The following ZNF189 variants were observed in gnomAD, a reference collection of about 807,000 sequenced individuals.
ZNF189 encodes the protein zinc finger protein 189.
ZNF189 carries 33 observed loss-of-function variants against 53.5 expected under a neutral mutation model. The observed-to-expected ratio is 0.62, with a 90% CI of 0.47 to 0.82. The LOEUF is 0.82. ZNF189 is among the 40% of genes least tolerant of loss of function. The pLI, the probability that ZNF189 is intolerant of heterozygous loss-of-function variation, is 0.00. For synonymous variants in ZNF189, 247 were observed against 238.8 expected, an observed-to-expected ratio of 1.03 and a Z score of -0.32; for missense variants, 711 against 753.9, an observed-to-expected ratio of 0.94 and a Z score of 0.67.
At chr9:101,402,602 G>A (rs1830576186) in intron 2 of ZNF189, among the ~76,000 whole-genome samples, 1 of 152,108 alleles carries the variant, frequency 6.6e-6, no homozygotes, top group South Asian at 2.1e-4. Context: ...CCAGAGCTAA[G>A]CACTCCTTTC....
Position 101,408,068 on chromosome 9 carries a change from A to G in ZNF189, c.300A>G (p.Thr100=), listed in dbSNP as rs1047968. The part of the protein sequence containing the change: ...EIDQDPMGRE[T]FELVGRLDKQ... ...ACCAGGATCCTATGGGTAGAGAAAC[A>G]TTTGAACTTGTTGGTAGGTTAGATA... Residue 100 remains threonine, a synonymous_variant, in exon 3 of 3, where the codon ACA becomes ACG. Transcript: ENST00000339664. 165,174 of 1,613,874 alleles carry G rather than the reference A, an allele frequency of 0.1. 9,323 individuals are homozygous for G. The highest frequency in any genetic ancestry group is 0.15 in the Middle Eastern group (933 of 6,060).
chr9:101,401,198 C>T (rs1830518274), intron 2 of ZNF189, among the ~76,000 whole-genome samples: 1 of 152,154 alleles, frequency 6.6e-6, no homozygotes, highest in Non-Finnish European at 1.5e-5. Flanking sequence ...CCTTTTTCTT[C>T]CACTCTCCAC....
Position 101,408,680 on chromosome 9 carries a change from T to A in ZNF189, c.912T>A (p.Val304=), listed in dbSNP as rs756293271. 4 of 1,614,206 alleles carry A rather than the reference T, an allele frequency of 2.5e-6. No homozygotes were observed. Among genetic ancestry groups the A allele is most frequent in the South Asian group, 2.2e-5 (2 of 91,082 alleles). Residue 304 remains valine, a synonymous_variant, in exon 3 of 3, where the codon GTT becomes GTA. Coordinates refer to ENST00000339664, the MANE Select transcript of ZNF189 (RefSeq NM_003452.4). ...GCTTTAGTCGAAATTCATTGCTTGT[T>A]GAGCATCAAAGAATTCACACTGGGG... The part of the protein sequence containing the change: ...KKSFSRNSLL[V]EHQRIHTGER...
chr9:101,408,924 A>C lies in ZNF189; in HGVS notation c.1156A>C (p.Asn386His). The C allele has an allele frequency of 6.2e-7, 1 of 1,614,038 alleles. No individual in the cohort carries two copies. The highest frequency in any genetic ancestry group is 8.5e-7 in the Non-Finnish European group (1 of 1,180,010). ...ECGKSFSQLC[N>H]LTRHQRIHTG... is the part of the protein sequence containing the mutation. The stretch of plus-strand genomic sequence containing the variant: ...TGGGAAAAGTTTCAGTCAGCTTTGC[A>C]ACCTTACTCGTCATCAGAGAATTCA... The change falls in exon 3 of 3, where the codon AAC (asparagine) becomes CAC (histidine). Residue 386 changes from asparagine to histidine, a missense_variant. Transcript: ENST00000339664.
intron 2 of ZNF189, among the ~76,000 whole-genome samples, chr9:101,404,224 A>T (rs557453057): frequency 1.3e-4 from 20 of 152,282 alleles, no homozygotes; most frequent in African/African-American, 4.1e-4. Flanking sequence ...TTTTATGTGA[A>T]TGTCATTGTT....
chr9:101,404,889 G>A (rs1446636741), intron 2 of ZNF189, among the ~76,000 whole-genome samples: 3 of 152,184 alleles, frequency 2.0e-5, no homozygotes, highest in African/African-American at 4.8e-5. Flanking sequence ...AATTATGGTC[G>A]AGGGCTGGTA....
intron 2 of ZNF189, among the ~76,000 whole-genome samples, chr9:101,402,368 C>T (rs1244685422): frequency 6.6e-6 from 1 of 152,150 alleles, no homozygotes; most frequent in African/African-American, 2.4e-5. Flanking sequence ...AATAATAGCA[C>T]CTACCTCATA....
chr9:101,408,365 T>C lies in ZNF189; in HGVS notation c.597T>C (p.Thr199=). 6.2e-7 allele frequency: 1 copy of C among 1,614,132 alleles called. No individual in the cohort carries two copies. Among genetic ancestry groups the C allele is most frequent in the South Asian group, 1.1e-5 (1 of 91,088 alleles). ...SFVIEHQRIH[T]GERPYECNYC... The stretch of plus-strand genomic sequence containing the variant: ...TTATTGAACATCAGAGAATTCACAC[T>C]GGGGAAAGGCCCTATGAGTGTAATT... Residue 199 remains threonine (T), a synonymous_variant, in exon 3 of 3, where the codon ACT becomes ACC. Transcript: ENST00000339664.
rs113040203 is a variant in ZNF189 at position 101,399,801 on chromosome 9, A to G, written c.34-83A>G. ...GTTCCTCCTAGCCTACTTGGCCACA[A>G]TAAGTGATTGCCTCTGTCACTTTTA... On this transcript the variant is annotated intron_variant, in intron 1 of 2. Coordinates refer to ENST00000339664, the MANE Select transcript of ZNF189 (RefSeq NM_003452.4). The G allele has an allele frequency of 1.6e-3, 2,541 of 1,598,408 alleles. 17 individuals carry two copies. In the African/African-American group the frequency reaches 0.017, roughly 11 times the overall value.
At chr9:101,404,691 C>T (rs1415491764) in intron 2 of ZNF189, among the ~76,000 whole-genome samples, 1 of 152,064 alleles carries the variant, frequency 6.6e-6, no homozygotes, top group African/African-American at 2.4e-5. Context: ...ATATTCATAT[C>T]ATCTTCAAGT....
rs146757173 is a variant in ZNF189 at position 101,399,693 on chromosome 9, C to A, written c.34-191C>A. ...CATAATAAATCAGAAAAGCCTTATCCGTAGGTCCTTTCTAGTCTGAGATGT... is the reference window on the plus strand; with the variant it reads ...CATAATAAATCAGAAAAGCCTTATCAGTAGGTCCTTTCTAGTCTGAGATGT... On this transcript the variant is annotated intron_variant, in intron 1 of 2. Coordinates refer to ENST00000339664, the MANE Select transcript of ZNF189 (RefSeq NM_003452.4). 1.5e-4 allele frequency among the ~76,000 whole-genome samples: 23 copies of A among 152,286 alleles called. No homozygotes were observed. In the East Asian group the frequency reaches 4.4e-3, roughly 29 times the overall value.
Position 101,409,719 on chromosome 9 carries a change from C to T in ZNF189, c.*70C>T. 1 of 1,493,616 alleles carries T rather than the reference C, an allele frequency of 6.7e-7. No individual in the cohort carries two copies. The highest frequency in any genetic ancestry group is 8.9e-7 in the Non-Finnish European group (1 of 1,123,934). The allele number at this position is 1,493,616 out of a possible 1,614,324, so 92.5% of individuals were successfully genotyped here. A position where few individuals can be genotyped will look rare whatever the true frequency, so the allele number is the denominator to read the frequency against. On this transcript the variant is annotated 3_prime_UTR_variant, in exon 3 of 3. Transcript: ENST00000339664. ...CAAGTGCAGTTTTAGTATGGCTCAA[C>T]ATGGGTCAGATTTAGTGATAAAGCA...
chr9:101,403,373 A>G (rs541156657), intron 2 of ZNF189, among the ~76,000 whole-genome samples: 2 of 152,182 alleles, frequency 1.3e-5, no homozygotes, highest in South Asian at 4.2e-4. Flanking sequence ...CATCCTCCTC[A>G]ATAAACACTA....
At position 101,410,620 on chromosome 9, in the gene ZNF189, A is replaced by G. The variant is rs1830905609; in HGVS notation, c.*971A>G. On this transcript the variant is annotated 3_prime_UTR_variant, in exon 3 of 3. Transcript: ENST00000339664. ...ATGGTTATTATAAACCTATTAATTC[A>G]TCTGTTTTAACCATTAAAACCTGTT... is the stretch of plus-strand genomic sequence containing the variant. The G allele has an allele frequency of 6.6e-6, 1 of 152,216 alleles. No individual in the cohort carries two copies. Among genetic ancestry groups the G allele is most frequent in the Non-Finnish European group, 1.5e-5 (1 of 68,022 alleles). The allele number at this position is 152,216 out of a possible 1,614,324, so 9.4% of individuals were successfully genotyped here.
rs763646264 is a variant in ZNF189 at position 101,408,755 on chromosome 9, A to C, written c.987A>C (p.Thr329=). 6.2e-7 allele frequency: 1 copy of C among 1,614,142 alleles called. No individual in the cohort carries two copies. Among genetic ancestry groups the C allele is most frequent in the South Asian group, 1.1e-5 (1 of 91,076 alleles). The stretch of plus-strand genomic sequence containing the variant: ...GTGGGAAAGCCTTTCGATTAAGCAC[A>C]TACCTTATACAACACCAAAAAATTC... ...GECGKAFRLS[T]YLIQHQKIHT... is the part of the protein sequence containing the mutation. The change falls in exon 3 of 3, where the codon ACA becomes ACC. Residue 329 remains threonine, a synonymous_variant. Transcript: ENST00000339664.
In ZNF189 at chr9:101,409,326, A is replaced by G. The variant is rs146123335; in HGVS notation, c.1558A>G (p.Ser520Gly). ...CTATCTGTGCAGACAGTGTGGAAAAAGCTTTAGTCAGCTTTGTAATCTTAT... is the reference window on the plus strand; with the variant it reads ...CTATCTGTGCAGACAGTGTGGAAAAGGCTTTAGTCAGCTTTGTAATCTTAT... ...RPYLCRQCGK[S>G]FSQLCNLIRH... The change falls in exon 3 of 3, where the codon AGC becomes GGC. Residue 520 changes from serine to glycine, a missense_variant. By Grantham distance (56) the Ser-to-Gly change is moderately conservative. Transcript: ENST00000339664. The G allele has an allele frequency of 4.6e-4, 735 of 1,614,178 alleles. 5 individuals carry two copies. The African/African-American group carries it at 8.3e-3, about 18-fold the overall frequency.
chr9:101,404,592 T>C (rs1830645102), intron 2 of ZNF189, among the ~76,000 whole-genome samples: 1 of 152,230 alleles, frequency 6.6e-6, no homozygotes, highest in Non-Finnish European at 1.5e-5. Flanking sequence ...TTCTGTATAA[T>C]ATTTACTAAC....
At chr9:101,405,993 A>C (rs922558082) in intron 2 of ZNF189, among the ~76,000 whole-genome samples, 3 of 149,780 alleles carry the variant, frequency 2.0e-5, no homozygotes, top group African/African-American at 4.9e-5. Flanking sequence ...TGAACCCGCG[A>C]GGTGGAGGTT....
At position 101,408,172 on chromosome 9, in the gene ZNF189, A is replaced by T. The variant is rs1486515490; in HGVS notation, c.404A>T (p.Asn135Ile). Reference protein sequence around the residue: ...QEQRMFRENTNIIRKRPNSEE... With the variant: ...QEQRMFRENTIIIRKRPNSEE... ...CAGAGAATGTTCAGAGAAAACACTA[A>T]CATTATCCGTAAAAGACCAAACTCA... Residue 135 changes from asparagine (N) to isoleucine (I), a missense_variant, in exon 3 of 3, where the codon AAC becomes ATC. Asn to Ile is a moderately radical substitution (Grantham distance 149). Transcript: ENST00000339664. 1 of 1,614,154 alleles carries T rather than the reference A, an allele frequency of 6.2e-7. No individual in the cohort carries two copies. The highest frequency in any genetic ancestry group is 8.5e-7 in the Non-Finnish European group (1 of 1,180,026).
Sources: allele counts gnomAD v4.1 joint callset (sites outside exome capture counted in the v4.1 genomes callset), GRCh38; gene constraint gnomAD v4.1.1; transcripts MANE v1.5; gene names NCBI Gene and HGNC (gene_info 2026-07-23, HGNC 2026-07-21).